FARS2: variants seen among roughly 807,000 people sequenced by gnomAD.
The protein encoded by FARS2 is phenylalanyl-tRNA synthetase 2, mitochondrial.
A neutral mutation model predicts 46.4 loss-of-function variants in FARS2; 40 were observed. That is an observed-to-expected ratio of 0.86 (90% CI 0.67 to 1.12). FARS2 has a LOEUF of 1.12. Among genes scored for constraint, FARS2 ranks in the 50% most tolerant of loss-of-function variants. The pLI is 0.00. For synonymous variants in FARS2, 234 were observed against 214.9 expected (o/e 1.09, Z -0.78); for missense variants, 513 against 567.9 (o/e 0.90, Z 0.98).
At chr6:5,481,350 C>T (rs972385565) in intron 4 of FARS2, among the ~76,000 whole-genome samples, 1 of 152,194 alleles carries the variant, frequency 6.6e-6, no homozygotes, top group African/African-American at 2.4e-5. Context: ...TACTTATTAG[C>T]TAGTTAAGGC....
chr6:5,297,235 C>T (rs116674228), intron 1 of FARS2, among the ~76,000 whole-genome samples: 2 of 152,124 alleles, frequency 1.3e-5, no homozygotes, highest in Non-Finnish European at 2.9e-5. Flanking sequence ...ACAGAGAGTC[C>T]AAGGGGCATG....
intron 1 of FARS2, among the ~76,000 whole-genome samples, chr6:5,277,863 C>G (rs1275864062): frequency 2.0e-5 from 3 of 152,110 alleles, no homozygotes; most frequent in Non-Finnish European, 2.9e-5. Context: ...TGCCCCCGAC[C>G]CCTCATTTTA....
chr6:5,438,265 T>G, intron 4 of FARS2, among the ~76,000 whole-genome samples: 1 of 111,108 alleles, frequency 9.0e-6, no homozygotes, highest in East Asian at 3.2e-4. Context: ...CCCATTTTTG[T>G]TTTTCAGCCA....
chr6:5,760,632 T>G (rs1303779293), intron 6 of FARS2, among the ~76,000 whole-genome samples: 2 of 151,658 alleles, frequency 1.3e-5, no homozygotes, highest in East Asian at 3.9e-4. Flanking sequence ...ACCCCACCCC[T>G]CCCTGCCGCA....
Position 5,727,127 on chromosome 6 carries a change from G to A in FARS2, c.1218-44164G>A, listed in dbSNP as rs543657941. Among the ~76,000 whole-genome samples, 1 of 152,374 alleles carries A rather than the reference G, an allele frequency of 6.6e-6. No individual in the cohort carries two copies. The highest frequency in any genetic ancestry group is 2.1e-4 in the South Asian group (1 of 4,828). ...CACCGGGCTGTTACTGGTAGGAAAA[G>A]CGTGACTGCAGTGCATGGCACCCAG... On this transcript the variant is annotated intron_variant, in intron 6 of 6. Coordinates refer to ENST00000274680, the MANE Select transcript of FARS2 (RefSeq NM_006567.5). The surrounding 1 kb of genome is among the most constrained non-coding windows in gnomAD (Gnocchi z 4.1).
chr6:5,503,670 T>C (rs540581957), intron 4 of FARS2, among the ~76,000 whole-genome samples: 1 of 152,274 alleles, frequency 6.6e-6, no homozygotes, highest in East Asian at 1.9e-4. Flanking sequence ...CGAGTTGTGA[T>C]ATTGTACTCT....
chr6:5,471,027 C>T lies in FARS2; in HGVS notation c.904+39855C>T, dbSNP rs13209241. Among the ~76,000 whole-genome samples the T allele has an allele frequency of 0.033, 4,973 of 152,312 alleles. 139 individuals carry two copies. Among genetic ancestry groups the T allele is most frequent in the Non-Finnish European group, 0.054 (3,646 of 68,016 alleles). ...TCTCTTCCTCTTCCTGTGTTCCTTT[C>T]TTCCTGCTCTTACTGATCAGAAAAG... On this transcript the variant is annotated intron_variant, in intron 4 of 6. Transcript: ENST00000274680. The surrounding 1 kb of genome is among the most constrained non-coding windows in gnomAD (Gnocchi z 4.1).
rs1015902058 is a variant in FARS2 at position 5,504,994 on chromosome 6, G to GT, written c.905-40182dup. 9.2e-4 allele frequency among the ~76,000 whole-genome samples: 140 copies of GT among 152,182 alleles called. 1 individual carries two copies. Among genetic ancestry groups the GT allele is most frequent in the African/African-American group, 3.2e-3 (134 of 41,530 alleles). ...GGACGTTTTTTAAAGAAAGATTTTA[G>GT]TTTTGAAAATAGTTTCTGAATAAGA... On this transcript the variant is annotated intron_variant, in intron 4 of 6. Transcript: ENST00000274680.
the FARS2 span, among the ~76,000 whole-genome samples, chr6:5,253,208 T>A: frequency 6.6e-6 from 1 of 152,252 alleles, no homozygotes; most frequent in Non-Finnish European, 1.5e-5. Context: ...CATTTGGGCA[T>A]CACTTTAGCC....
chr6:5,739,282 GA>G (rs1237870823), intron 6 of FARS2, among the ~76,000 whole-genome samples: 1 of 150,256 alleles, frequency 6.7e-6, no homozygotes, highest in Non-Finnish European at 1.5e-5. Context: ...GATTGCTTGA[GA>G]TCAGGAGTTC....
At chr6:5,422,656 A>G (rs1467190053) in intron 3 of FARS2, among the ~76,000 whole-genome samples, 3 of 152,238 alleles carry the variant, frequency 2.0e-5, no homozygotes, top group African/African-American at 7.2e-5. Flanking sequence ...ACGATTGTTC[A>G]GTGTATATGC....
intron 4 of FARS2, among the ~76,000 whole-genome samples, chr6:5,501,019 G>A (rs889914233): frequency 6.6e-6 from 1 of 151,146 alleles, no homozygotes; most frequent in Non-Finnish European, 1.5e-5. Context: ...GCTAGAAGAG[G>A]GAATGCAGTG....
At chr6:5,353,726 G>GTTTTGTTTTTTTTTTTT (rs1757721834) in intron 1 of FARS2, among the ~76,000 whole-genome samples, 1 of 40,362 alleles carries the variant, frequency 2.5e-5, no homozygotes, top group Non-Finnish European at 4.3e-5. Context: ...AATATTTGGT[G>GTTTTGTTTTTTTTTTTT]TTTTTTTTTT....
At chr6:5,439,559 T>G (rs965322954) in intron 4 of FARS2, among the ~76,000 whole-genome samples, 1 of 152,196 alleles carries the variant, frequency 6.6e-6, no homozygotes, top group Non-Finnish European at 1.5e-5. Context: ...GTTAGTTGTT[T>G]AGAGATTTTG....
rs1181255020 is a variant in FARS2 at position 5,545,349 on chromosome 6, A to C, written c.1065+9A>C. On this transcript the variant is annotated intron_variant, in intron 5 of 6. Transcript: ENST00000274680. ...AGAAGGTGAAGTTTCAGGTAAGATG[A>C]CTTGCAAGAACTGAATAGATAATAA... 2.5e-6 allele frequency: 4 copies of C among 1,609,898 alleles called. No homozygotes were observed. Among genetic ancestry groups the C allele is most frequent in the Non-Finnish European group, 3.4e-6 (4 of 1,176,580 alleles).
At chr6:5,585,154 T>G (rs1473242870) in intron 5 of FARS2, among the ~76,000 whole-genome samples, 2 of 152,158 alleles carry the variant, frequency 1.3e-5, no homozygotes, top group Non-Finnish European at 2.9e-5. Flanking sequence ...CATATTTCTA[T>G]TTTGCTGGTT....
intron 5 of FARS2, among the ~76,000 whole-genome samples, chr6:5,571,912 A>G (rs1369890640): frequency 6.6e-6 from 1 of 151,994 alleles, no homozygotes; most frequent in Non-Finnish European, 1.5e-5. Context: ...TGTGCCATCA[A>G]GCCCAGACCA....
At chr6:5,292,985 T>C (rs907888904) in intron 1 of FARS2, among the ~76,000 whole-genome samples, 1 of 152,188 alleles carries the variant, frequency 6.6e-6, no homozygotes, top group African/African-American at 2.4e-5. Context: ...GTGCAACCAA[T>C]GTGCAACCAA....
At chr6:5,565,671 A>G (rs1295414402) in intron 5 of FARS2, among the ~76,000 whole-genome samples, 1 of 152,224 alleles carries the variant, frequency 6.6e-6, no homozygotes, top group Non-Finnish European at 1.5e-5. Flanking sequence ...TCACCAAAAT[A>G]TAACTTAAAG....
Sources: gnomAD v4.1 joint callset for allele counts (sites outside exome capture counted in the v4.1 genomes callset) on GRCh38, gnomAD v4.1.1 for gene constraint, Gnocchi (gnomAD v3.1) non-coding constraint, MANE v1.5 for transcripts, NCBI Gene and HGNC (gene_info 2026-07-23, HGNC 2026-07-21) for gene names.